Variants in TMEM117 observed in about 807,000 individuals in gnomAD.
The protein encoded by TMEM117 is transmembrane protein 117.
TMEM117 carries 27 observed loss-of-function variants against 52.4 expected under a neutral mutation model. The ratio of observed to expected loss-of-function variants is 0.51; its 90% CI spans 0.38 to 0.71. The LOEUF (loss-of-function observed/expected upper bound fraction) is 0.71. Ranked by LOEUF, TMEM117 falls within the 30% of genes least tolerant of loss-of-function variation. The pLI is 0.00. For synonymous variants in TMEM117, 215 were observed against 206.3 expected (o/e 1.04, Z -0.36); for missense variants, 556 against 630.5 (o/e 0.88, Z 1.26).
At chr12:44,096,260 A>C (rs1003275874) in intron 3 of TMEM117, among the ~76,000 whole-genome samples, 6 of 152,214 alleles carry the variant, frequency 3.9e-5, no homozygotes, top group Non-Finnish European at 7.3e-5. Context: ...GATAGGAAGA[A>C]TCAATATCGT....
Position 44,388,925 on chromosome 12 carries a change from A to G in TMEM117, c.*253A>G. ...TTGCACAAGCTATTACTGACTTTAC[A>G]GCATAGTGGAAGATTAGCTGATGAC... On this transcript the variant is annotated 3_prime_UTR_variant, in exon 8 of 8. Coordinates refer to ENST00000266534, the MANE Select transcript of TMEM117 (RefSeq NM_032256.3). 1 of 442,616 alleles carries G rather than the reference A, an allele frequency of 2.3e-6. No homozygotes were observed. Among genetic ancestry groups the G allele is most frequent in the Admixed American group, 3.7e-5 (1 of 26,778 alleles). The allele number at this position is 442,616 out of a possible 1,614,324, so 27.4% of individuals were successfully genotyped here.
chr12:44,221,855 C>T (rs111421886), intron 5 of TMEM117, among the ~76,000 whole-genome samples: 15,360 of 151,928 alleles, frequency 0.1, 878 homozygotes, highest in Middle Eastern at 0.19. Flanking sequence ...TGTGCCACCA[C>T]GCCCAGCTAA....
intron 5 of TMEM117, among the ~76,000 whole-genome samples, chr12:44,214,125 A>C (rs1419549827): frequency 1.4e-5 from 2 of 141,346 alleles, no homozygotes; most frequent in Non-Finnish European, 3.0e-5. Flanking sequence ...ATGTCTTACA[A>C]ATTTTTTTTT....
At chr12:44,206,885 ATGAAATCACT>A (rs1264423498) in intron 4 of TMEM117, among the ~76,000 whole-genome samples, 1 of 152,172 alleles carries the variant, frequency 6.6e-6, no homozygotes, top group Non-Finnish European at 1.5e-5. Flanking sequence ...TACCTGAGTG[ATGAAATCACT>A]TGTACAGCAA....
intron 6 of TMEM117, among the ~76,000 whole-genome samples, chr12:44,354,598 G>A (rs1356719765): frequency 2.0e-5 from 3 of 151,838 alleles, no homozygotes; most frequent in East Asian, 3.9e-4. Flanking sequence ...TGCAGAAAAG[G>A]CCTTTGACAA....
chr12:43,902,010 C>T (rs1944311970), intron 2 of TMEM117, among the ~76,000 whole-genome samples: 1 of 152,118 alleles, frequency 6.6e-6, no homozygotes, highest in Non-Finnish European at 1.5e-5. Context: ...AAGACATTTG[C>T]TTACTCAACC....
the TMEM117 span, among the ~76,000 whole-genome samples, chr12:43,821,929 T>C: frequency 0.13 from 19,876 of 152,272 alleles, 1,488 homozygotes; most frequent in Middle Eastern, 0.2. Context: ...TCAGCCATGA[T>C]GGCCTAGAAC....
At chr12:44,044,709 G>A (rs1565805328) in intron 3 of TMEM117, among the ~76,000 whole-genome samples, 1 of 152,184 alleles carries the variant, frequency 6.6e-6, no homozygotes, top group East Asian at 1.9e-4. Flanking sequence ...ATGATACACA[G>A]GCACCAACTG....
At chr12:44,008,082 A>T (rs1946230040) in intron 3 of TMEM117, among the ~76,000 whole-genome samples, 1 of 152,160 alleles carries the variant, frequency 6.6e-6, no homozygotes, top group Non-Finnish European at 1.5e-5. Context: ...CTACATAATG[A>T]AAGTCAGAAA....
chr12:44,262,248 A>T (rs910972142), intron 5 of TMEM117, among the ~76,000 whole-genome samples: 2 of 152,214 alleles, frequency 1.3e-5, no homozygotes, highest in Admixed American at 6.5e-5. Flanking sequence ...GTGTATGTAC[A>T]TGTGTGAATT....
chr12:44,216,872 G>T (rs989942771), intron 5 of TMEM117, among the ~76,000 whole-genome samples: 2 of 152,074 alleles, frequency 1.3e-5, no homozygotes, highest in African/African-American at 4.8e-5. Context: ...GTGCAATGTT[G>T]TATATTTTTT....
intron 5 of TMEM117, among the ~76,000 whole-genome samples, chr12:44,293,183 T>C (rs2138625730): frequency 6.6e-6 from 1 of 152,188 alleles, no homozygotes; most frequent in African/African-American, 2.4e-5. Context: ...ACCATCTTTG[T>C]TTCTTGTAAC....
At chr12:43,804,233 T>C in the TMEM117 span, 1 of 490,400 alleles carries the variant, frequency 2.0e-6, no homozygotes. Context: ...TGGACTGTGG[T>C]GCAGAAACTG....
At chr12:44,294,947 A>T (rs1950748479) in intron 5 of TMEM117, among the ~76,000 whole-genome samples, 1 of 152,222 alleles carries the variant, frequency 6.6e-6, no homozygotes, top group South Asian at 2.1e-4. Context: ...AAATGAAAGC[A>T]TTGAAAGTGA....
chr12:43,990,802 T>C (rs942326193), intron 3 of TMEM117, among the ~76,000 whole-genome samples: 1 of 152,174 alleles, frequency 6.6e-6, no homozygotes, highest in African/African-American at 2.4e-5. Context: ...AGCATGTTAA[T>C]ATTAGAAAAG....
In TMEM117 at chr12:43,909,278, A is replaced by G. The variant is rs1218309290; in HGVS notation, c.278-34932A>G. Among the ~76,000 whole-genome samples the G allele has an allele frequency of 2.7e-4, 14 of 52,612 alleles. 2 individuals are homozygous for G. The highest frequency in any genetic ancestry group is 5.4e-4 in the Admixed American group (2 of 3,674). 34.5% of individuals were successfully genotyped at this position (52,612 alleles called of 152,430 possible). ...TACATAACGAAATGAAGGCAGAAATAAAGATGTTCTTTGAAACCAACAAGA... is the reference window on the plus strand; with the variant it reads ...TACATAACGAAATGAAGGCAGAAATGAAGATGTTCTTTGAAACCAACAAGA... On this transcript the variant is annotated intron_variant, in intron 2 of 7. Coordinates refer to ENST00000266534, the MANE Select transcript of TMEM117 (RefSeq NM_032256.3).
intron 2 of TMEM117, among the ~76,000 whole-genome samples, chr12:43,922,999 C>T (rs1430892445): frequency 2.0e-5 from 3 of 152,098 alleles, no homozygotes; most frequent in Admixed American, 6.6e-5. Context: ...TTCCCTAGTC[C>T]CTGACAATAC....
intron 4 of TMEM117, among the ~76,000 whole-genome samples, chr12:44,195,846 G>A (rs1592597311): frequency 6.6e-6 from 1 of 151,654 alleles, no homozygotes. Context: ...TTGAGGCCAG[G>A]AGTTTGAGAC....
At chr12:44,011,710 A>C (rs1236996533) in intron 3 of TMEM117, among the ~76,000 whole-genome samples, 3 of 152,138 alleles carry the variant, frequency 2.0e-5, no homozygotes, top group Non-Finnish European at 4.4e-5. Context: ...TAAGTTAGGC[A>C]TAGTAAGATA....
Sources: allele counts gnomAD v4.1 joint callset (sites outside exome capture counted in the v4.1 genomes callset), GRCh38; gene constraint gnomAD v4.1.1; transcripts MANE v1.5; gene names NCBI Gene and HGNC (gene_info 2026-07-23, HGNC 2026-07-21).